Variants in TRAPPC10 observed in about 807,000 individuals in gnomAD.
TRAPPC10 encodes the protein trafficking protein particle complex subunit 10, also known as TRAPP 130 kDa subunit.
TRAPPC10 carries 23 observed loss-of-function variants against 125.5 expected under a neutral mutation model. That is an observed-to-expected ratio of 0.18 (90% CI 0.13 to 0.26). The LOEUF (loss-of-function observed/expected upper bound fraction) is 0.26, where lower values mean the gene tolerates loss of function less well. Ranked by LOEUF, TRAPPC10 falls within the 10% of genes least tolerant of loss-of-function variation. The probability of loss-of-function intolerance (pLI) is 1.00; values close to 1 mark genes in which losing one functional copy is unlikely to be tolerated. For synonymous variants in TRAPPC10, 509 were observed against 518.0 expected (o/e 0.98, Z 0.24); for missense variants, 1,123 against 1,308.4 (o/e 0.86, Z 2.19).
chr21:44,032,110 A>G lies in TRAPPC10; in HGVS notation c.87A>G (p.Leu29=), dbSNP rs2033624502. ...PIVTCAGDQN[L]FTSVYPTLSQ... is the part of the protein sequence containing the mutation. ...TCATAGGTGCTGGAGATCAGAATTTATTTACCTCTGTTTATCCAACGCTCT... is the reference window on the plus strand; with the variant it reads ...TCATAGGTGCTGGAGATCAGAATTTGTTTACCTCTGTTTATCCAACGCTCT... The change falls in exon 2 of 23, where the codon TTA becomes TTG. Residue 29 remains leucine, a synonymous_variant. Coordinates refer to ENST00000291574, the MANE Select transcript of TRAPPC10 (RefSeq NM_003274.5). The G allele has an allele frequency of 6.2e-7, 1 of 1,613,778 alleles. No individual in the cohort carries two copies. The highest frequency in any genetic ancestry group is 1.3e-5 in the African/African-American group (1 of 74,920).
At chr21:44,027,003 C>T (rs1281247927) in intron 1 of TRAPPC10, among the ~76,000 whole-genome samples, 2 of 152,168 alleles carry the variant, frequency 1.3e-5, no homozygotes, top group African/African-American at 4.8e-5. Flanking sequence ...CATTAGGTGG[C>T]CGAGGACAGT....
chr21:44,014,398 T>C (rs1385792099), intron 1 of TRAPPC10, among the ~76,000 whole-genome samples: 13 of 150,682 alleles, frequency 8.6e-5, no homozygotes, highest in East Asian at 3.9e-4. Flanking sequence ...TTTTTTTCCT[T>C]CTTCTTCTTT....
intron 1 of TRAPPC10, among the ~76,000 whole-genome samples, chr21:44,026,240 C>T (rs571396758): frequency 1.3e-4 from 20 of 152,160 alleles, no homozygotes; most frequent in East Asian, 5.8e-4. Context: ...AGGCTTTTCA[C>T]GGACAGATAC....
At chr21:44,080,180 T>TA (rs1264508803) in intron 13 of TRAPPC10, 53 bp downstream of exon 13, 1 of 1,466,580 alleles carries the variant, frequency 6.8e-7, no homozygotes. Flanking sequence ...ATTACAGAAG[T>TA]AAAAAAGAAT....
At chr21:44,035,176 T>A (rs892142526) in intron 2 of TRAPPC10, among the ~76,000 whole-genome samples, 3 of 152,182 alleles carry the variant, frequency 2.0e-5, no homozygotes, top group African/African-American at 2.4e-5. Flanking sequence ...GGGAGTGGGC[T>A]CCTTATCACG....
rs374497169 is a variant in TRAPPC10 at position 44,014,593 on chromosome 21, G to GTTT, written c.67+2045_67+2047dup. On this transcript the variant is annotated intron_variant, in intron 1 of 22. Coordinates refer to ENST00000291574, the MANE Select transcript of TRAPPC10 (RefSeq NM_003274.5). ...GCTAATTTTTTGTTTGTTTGTTTTT[G>GTTT]TTTTTTTTTTTTTTCAGTAGAGACA... 2.0e-3 allele frequency among the ~76,000 whole-genome samples: 276 copies of GTTT among 136,748 alleles called. 1 individual carries two copies. The highest frequency in any genetic ancestry group is 4.6e-3 in the East Asian group (22 of 4,754). The allele number at this position is 136,748 out of a possible 152,430, so 89.7% of individuals were successfully genotyped here. A position where few individuals can be genotyped will look rare whatever the true frequency, so the allele number is the denominator to read the frequency against.
chr21:44,077,588 A>T (rs749181947), intron 10 of TRAPPC10, 105 bp from the exon 11 acceptor site: 70 of 919,670 alleles, frequency 7.6e-5, no homozygotes, highest in Non-Finnish European at 1.1e-4. Context: ...CTGTCTCAAA[A>T]CAAAAACCCA....
chr21:44,026,463 C>T (rs1435490945), intron 1 of TRAPPC10, among the ~76,000 whole-genome samples: 3 of 152,108 alleles, frequency 2.0e-5, no homozygotes, highest in African/African-American at 7.2e-5. Context: ...TTTGAAAGCC[C>T]GTTTTACCAA....
At chr21:44,076,801 A>G (rs934675609) in intron 10 of TRAPPC10, among the ~76,000 whole-genome samples, 173 bp downstream of exon 10, 1 of 152,120 alleles carries the variant, frequency 6.6e-6, no homozygotes, top group Non-Finnish European at 1.5e-5. Context: ...GTAGTTCATC[A>G]AATGTGTATT....
chr21:44,065,211 G>A (rs2036353202), intron 7 of TRAPPC10, among the ~76,000 whole-genome samples: 1 of 152,174 alleles, frequency 6.6e-6, no homozygotes, highest in Non-Finnish European at 1.5e-5. Flanking sequence ...ATTACCTTGT[G>A]GCTGGAAGGA....
intron 7 of TRAPPC10, among the ~76,000 whole-genome samples, chr21:44,064,776 T>G (rs1367728060): frequency 3.9e-5 from 6 of 152,214 alleles, no homozygotes; most frequent in African/African-American, 1.4e-4. Flanking sequence ...TTTAGTTAAT[T>G]TCAAAAGGAG....
chr21:44,058,312 C>T (rs994033731), intron 5 of TRAPPC10, among the ~76,000 whole-genome samples: 6 of 149,418 alleles, frequency 4.0e-5, no homozygotes, highest in Non-Finnish European at 3.0e-5. Context: ...GCACAGGTCC[C>T]GAGGCAGCTC....
Position 44,086,906 on chromosome 21 carries a change from A to G in TRAPPC10, c.2485A>G (p.Met829Val), listed in dbSNP as rs765597290. The G allele has an allele frequency of 6.2e-7, 1 of 1,614,196 alleles. No individual in the cohort carries two copies. The highest frequency in any genetic ancestry group is 8.5e-7 in the Non-Finnish European group (1 of 1,180,022). ...DSLQLSNAEA[M>V]LILCQAESRA... The stretch of plus-strand genomic sequence containing the variant: ...CCTGCAGCTTAGCAATGCCGAAGCC[A>G]TGCTCATCCTGTGCCAGGCGGAGAG... Residue 829 changes from methionine (M) to valine (V), a missense_variant, in exon 16 of 23, where the codon ATG becomes GTG. By Grantham distance (21) the Met-to-Val change is conservative. This residue lies in a region of TRAPPC10 where 840 missense variants were observed against 902.0 expected (regional missense o/e 0.93). Coordinates refer to ENST00000291574, the MANE Select transcript of TRAPPC10 (RefSeq NM_003274.5).
At chr21:44,032,405 CAG>C (rs1258081270) in intron 2 of TRAPPC10, among the ~76,000 whole-genome samples, 1 of 111,134 alleles carries the variant, frequency 9.0e-6, no homozygotes, top group Non-Finnish European at 1.7e-5. Flanking sequence ...TTTTTTGAGA[CAG>C]AGTCTCGTTC....
intron 13 of TRAPPC10, 114 bp downstream of exon 13, chr21:44,080,241 T>C: frequency 1.1e-6 from 1 of 920,434 alleles, no homozygotes. Context: ...TTTTGCTGTG[T>C]AGCTGACATG....
chr21:44,019,846 G>A (rs1367191822), intron 1 of TRAPPC10, among the ~76,000 whole-genome samples: 2 of 152,192 alleles, frequency 1.3e-5, no homozygotes, highest in African/African-American at 2.4e-5. Context: ...AGACAGCTGC[G>A]TCTGTCTTTG....
chr21:44,068,611 TTTA>T (rs1200288844), intron 7 of TRAPPC10, among the ~76,000 whole-genome samples: 3 of 152,070 alleles, frequency 2.0e-5, no homozygotes, highest in Non-Finnish European at 2.9e-5. Context: ...GATTTTATTT[TTTA>T]TTATTATTAT....
intron 1 of TRAPPC10, among the ~76,000 whole-genome samples, chr21:44,016,292 A>G (rs1483436221): frequency 6.6e-6 from 1 of 152,212 alleles, no homozygotes; most frequent in Non-Finnish European, 1.5e-5. Context: ...TTTCTGTTCC[A>G]AGGGTGTATT....
intron 7 of TRAPPC10, among the ~76,000 whole-genome samples, chr21:44,072,950 T>C (rs1255358522): frequency 2.6e-5 from 4 of 152,360 alleles, no homozygotes; most frequent in Non-Finnish European, 4.4e-5. Flanking sequence ...TGCTGTGGTT[T>C]GACTGATGAG....
Sources: allele counts gnomAD v4.1 joint callset (sites outside exome capture counted in the v4.1 genomes callset), GRCh38; gene constraint gnomAD v4.1.1; regional missense constraint gnomAD v4.1.1; transcripts MANE v1.5; gene names NCBI Gene and HGNC (gene_info 2026-07-23, HGNC 2026-07-21).